TPCN2: variants seen among roughly 807,000 people sequenced by gnomAD.
TPCN2 encodes two pore channel protein 2.
Under a neutral mutation model 111.4 loss-of-function variants are expected in TPCN2, and 92 were observed. That is an observed-to-expected ratio of 0.83 (90% CI 0.70 to 0.98). TPCN2 has a LOEUF of 0.98. Among genes scored for constraint, TPCN2 ranks in the 50% least tolerant of loss-of-function variants. TPCN2 has a pLI of 0.00. For synonymous variants in TPCN2, 405 were observed against 414.5 expected, an observed-to-expected ratio of 0.98 and a Z score of 0.28; for missense variants, 995 against 980.1, an observed-to-expected ratio of 1.02 and a Z score of -0.20.
chr11:69,078,285 A>G (rs1017233830), intron 13 of TPCN2, among the ~76,000 whole-genome samples, 197 bp from the exon 14 acceptor site: 7 of 151,972 alleles, frequency 4.6e-5, no homozygotes, highest in African/African-American at 1.5e-4. Context: ...TTTGGGTGTT[A>G]CAAAGACCAC....
chr11:69,083,201 A>G (rs1196636270), intron 18 of TPCN2: 1 of 153,014 alleles, frequency 6.5e-6, no homozygotes, highest in African/African-American at 2.4e-5. Context: ...TTTAAGGGAA[A>G]TGGCGCACAG....
At chr11:69,057,217 G>A (rs574125207) in intron 4 of TPCN2, among the ~76,000 whole-genome samples, 2 of 152,242 alleles carry the variant, frequency 1.3e-5, no homozygotes, top group Non-Finnish European at 2.9e-5. Context: ...CCTTGCTGTG[G>A]CGGCGGAGAC....
In TPCN2 at chr11:69,071,366, T is replaced by G. The variant is rs1230348547; in HGVS notation, c.906T>G (p.Phe302Leu). The G allele has an allele frequency of 6.2e-7, 1 of 1,613,908 alleles. No individual in the cohort carries two copies. The highest frequency in any genetic ancestry group is 1.1e-5 in the South Asian group (1 of 90,964). Residue 302 changes from phenylalanine to leucine, a missense_variant, in exon 10 of 25, where the codon TTT becomes TTG. Physicochemically the swap from Phe to Leu is conservative, Grantham distance 22 (BLOSUM62 0). Coordinates refer to ENST00000294309, the MANE Select transcript of TPCN2 (RefSeq NM_139075.4). Reference sequence around the variant, plus strand: ...TGTCTCCTCTTGAAGGAAGCCTGTTTCTGATGAACCTGCTGACAGCCATCA... The same window carrying G: ...TGTCTCCTCTTGAAGGAAGCCTGTTGCTGATGAACCTGCTGACAGCCATCA... The part of the protein sequence containing the change: ...FIVFTVIGSL[F>L]LMNLLTAIIY...
intron 11 of TPCN2, 26 bp from the exon 12 acceptor site, chr11:69,072,601 A>G: frequency 6.2e-7 from 1 of 1,612,910 alleles, no homozygotes; most frequent in Non-Finnish European, 8.5e-7. Context: ...GGCTGTGCTC[A>G]CCGGGCTGTG....
chr11:69,073,455 C>G lies in TPCN2; in HGVS notation c.1230+454C>G, dbSNP rs575089581. On this transcript the variant is annotated intron_variant, in intron 13 of 24. Coordinates refer to ENST00000294309, the MANE Select transcript of TPCN2 (RefSeq NM_139075.4). The stretch of plus-strand genomic sequence containing the variant: ...GGGAAACAGCCCAGGTGCTCACAGG[C>G]AGTGTGGGGGCAGCACGGGGGCTGC... 7.8e-4 allele frequency among the ~76,000 whole-genome samples: 119 copies of G among 152,356 alleles called. 5 individuals carry two copies. In the South Asian group the frequency reaches 0.024, roughly 31 times the overall value.
Position 69,075,549 on chromosome 11 carries a change from C to T in TPCN2, c.1230+2548C>T, listed in dbSNP as rs907169267. ...AGTCTGCGGACGCAGAGCCCGCTGACGTGAAGGGCTGGCAGAGCTTCAGTT... is the reference window on the plus strand; with the variant it reads ...AGTCTGCGGACGCAGAGCCCGCTGATGTGAAGGGCTGGCAGAGCTTCAGTT... On this transcript the variant is annotated intron_variant, in intron 13 of 24. Transcript: ENST00000294309. Among the ~76,000 whole-genome samples the T allele has an allele frequency of 5.3e-5, 8 of 152,342 alleles. No homozygotes were observed. In the East Asian group the frequency reaches 5.8e-4, roughly 11 times the overall value.
At position 69,054,787 on chromosome 11, in the gene TPCN2, G is replaced by A. The variant is rs116332684; in HGVS notation, c.241G>A (p.Val81Ile). The A allele has an allele frequency of 9.3e-4, 1,494 of 1,614,068 alleles. 16 individuals carry two copies. The African/African-American group carries it at 0.018, about 19-fold the overall frequency. ...GCTTTACCGACGGTATTACTCGAAC[G>A]TATGCCAACGGTGAGAACGCACCCA... ...MWLYRRYYSN[V>I]CQRTLSFTIF... The change falls in exon 3 of 25, where the codon GTA becomes ATA. Residue 81 changes from valine (V) to isoleucine (I), a missense_variant. Transcript: ENST00000294309.
At position 69,071,399 on chromosome 11, in the gene TPCN2, T is replaced by C. The variant is rs1238225042; in HGVS notation, c.939T>C (p.Ser313=). 6.2e-7 allele frequency: 1 copy of C among 1,613,768 alleles called. No homozygotes were observed. The highest frequency in any genetic ancestry group is 1.1e-5 in the South Asian group (1 of 90,906). Residue 313 remains serine (S), a synonymous_variant, in exon 10 of 25, where the codon AGT becomes AGC. Coordinates refer to ENST00000294309, the MANE Select transcript of TPCN2 (RefSeq NM_139075.4). The part of the protein sequence containing the change: ...LMNLLTAIIY[S]QFRGYLMKSL... ...ACCTGCTGACAGCCATCATCTACAG[T>C]CAGTTCCGGGGCTACCTGATGGTGA...
intron 4 of TPCN2, among the ~76,000 whole-genome samples, chr11:69,056,074 A>G (rs1854750980): frequency 6.6e-6 from 1 of 152,228 alleles, no homozygotes; most frequent in South Asian, 2.1e-4. Context: ...AGGGAGGTGC[A>G]GGCTACGTTT....
chr11:69,057,583 C>G lies in TPCN2; in HGVS notation c.435C>G (p.Tyr145Ter). The G allele has an allele frequency of 6.2e-7, 1 of 1,614,142 alleles. No homozygotes were observed. Among genetic ancestry groups the G allele is most frequent in the Middle Eastern group, 1.6e-4 (1 of 6,062 alleles). ...VFAADLSVKG[Y>*]LFGWAHFQKN... The stretch of plus-strand genomic sequence containing the variant: ...CCCGCCCGTCTATCTTGCAGGGTTA[C>G]CTGTTCGGGTGGGCCCATTTCCAGA... The change falls in exon 5 of 25, where the codon TAC becomes TAG. Residue 145 changes from tyrosine (Y) to a stop codon, truncating the protein, a stop_gained. Coordinates refer to ENST00000294309, the MANE Select transcript of TPCN2 (RefSeq NM_139075.4). LOFTEE classifies it high-confidence loss of function.
rs530204103 is a variant in TPCN2 at position 69,058,108 on chromosome 11, C to T, written c.546+414C>T. ...CTGACAGTGAGAAAGCCCCCTCACC[C>T]GGCCACACTCAGCCCTTTCCACCGC... On this transcript the variant is annotated intron_variant, in intron 5 of 24. Transcript: ENST00000294309. Among the ~76,000 whole-genome samples, 7 of 152,332 alleles carry T rather than the reference C, an allele frequency of 4.6e-5. No homozygotes were observed. In the East Asian group the frequency reaches 5.8e-4, roughly 13 times the overall value.
At chr11:69,053,911 C>T (rs923370555) in intron 1 of TPCN2, 122 bp from the exon 2 acceptor site, 2 of 803,868 alleles carry the variant, frequency 2.5e-6, no homozygotes, top group Admixed American at 4.3e-5. Context: ...CGGGTGGAGT[C>T]ATCTCTTTAC....
At chr11:69,052,904 C>A (rs1861295484) in intron 1 of TPCN2, among the ~76,000 whole-genome samples, 1 of 152,254 alleles carries the variant, frequency 6.6e-6, no homozygotes, top group East Asian at 1.9e-4. Context: ...TCACCCTCTC[C>A]CCGTGCTGGG....
At position 69,085,930 on chromosome 11, in the gene TPCN2, C is replaced by G. The variant is rs775361411; in HGVS notation, c.2003C>G (p.Pro668Arg). The part of the protein sequence containing the change: ...FLDAYRRYSG[P>R]WSKIYFVLWW... ...GATGCATATCGGCGCTACTCAGGCCCGTGAGTCCTCGTCTCCCTGACGGCA... is the reference window on the plus strand; with the variant it reads ...GATGCATATCGGCGCTACTCAGGCCGGTGAGTCCTCGTCTCCCTGACGGCA... Residue 668 changes from proline to arginine, a missense_variant and splice_region_variant, in exon 22 of 25, where the codon CCG (proline) becomes CGG (arginine). Coordinates refer to ENST00000294309, the MANE Select transcript of TPCN2 (RefSeq NM_139075.4). 6.2e-7 allele frequency: 1 copy of G among 1,613,168 alleles called. No individual in the cohort carries two copies. Among genetic ancestry groups the G allele is most frequent in the Non-Finnish European group, 8.5e-7 (1 of 1,179,500 alleles).
At chr11:69,060,704 C>T (rs1854982848) in intron 5 of TPCN2, among the ~76,000 whole-genome samples, 1 of 152,146 alleles carries the variant, frequency 6.6e-6, no homozygotes, top group South Asian at 2.1e-4. Flanking sequence ...GGAAGCTGTG[C>T]TGTGGTCTGT....
intron 22 of TPCN2, 105 bp downstream of exon 22, chr11:69,086,035 A>T: frequency 8.4e-7 from 1 of 1,190,940 alleles, no homozygotes; most frequent in Non-Finnish European, 1.2e-6. Context: ...CGTGGCTGGG[A>T]CGGGGACTCG....
At chr11:69,085,343 G>GGGGGGA in intron 20 of TPCN2, 57 bp downstream of exon 20, 7 of 581,848 alleles carry the variant, frequency 1.2e-5, no homozygotes, top group Non-Finnish European at 2.4e-5. Context: ...GGGTGGGCGG[G>GGGGGGA]AAGCCTTGGC....
At chr11:69,063,202 G>A (rs1045237566) in intron 6 of TPCN2, among the ~76,000 whole-genome samples, 39 of 151,748 alleles carry the variant, frequency 2.6e-4, no homozygotes, top group African/African-American at 9.4e-4. Flanking sequence ...CAGCCTTCGA[G>A]CTAGGGCCAG....
chr11:69,049,044 G>T lies in TPCN2; in HGVS notation c.47G>T (p.Arg16Leu). The change falls in exon 1 of 25, where the codon CGC becomes CTC. Residue 16 changes from arginine to leucine, a missense_variant. Arg to Leu is a moderately radical substitution (Grantham distance 102, BLOSUM62 -2). Transcript: ENST00000294309. The part of the protein sequence containing the change: ...AESEPLLGGA[R>L]GGGGDWPAGL... ...TCGGAGCCCCTGCTGGGCGGGGCCC[G>T]CGGCGGTGGCGGCGACTGGCCGGCG... The T allele has an allele frequency of 8.1e-7, 1 of 1,241,998 alleles. No individual in the cohort carries two copies. The highest frequency in any genetic ancestry group is 1.0e-6 in the Non-Finnish European group (1 of 988,598). 76.9% of individuals were successfully genotyped at this position (1,241,998 alleles called of 1,614,324 possible). A position where few individuals can be genotyped will look rare whatever the true frequency, so the allele number is the denominator to read the frequency against.
Sources: gnomAD v4.1 joint callset for allele counts (sites outside exome capture counted in the v4.1 genomes callset) on GRCh38, gnomAD v4.1.1 for gene constraint, MANE v1.5 for transcripts, NCBI Gene and HGNC (gene_info 2026-07-23, HGNC 2026-07-21) for gene names.